The following RNF216 variants were observed in gnomAD, a reference collection of about 807,000 sequenced individuals.
The protein encoded by RNF216 is ring finger protein 216, also known as E3 ubiquitin-protein ligase RNF216.
Under a neutral mutation model 110.8 loss-of-function variants are expected in RNF216, and 72 were observed. The observed-to-expected ratio is 0.65, with a 90% CI of 0.54 to 0.79. The LOEUF (loss-of-function observed/expected upper bound fraction) is 0.79. Ranked by LOEUF, RNF216 falls within the 30% of genes least tolerant of loss-of-function variation. The probability of loss-of-function intolerance (pLI) is 0.00; values close to 1 mark genes in which losing one functional copy is unlikely to be tolerated. For missense variants in RNF216, 1,342 were observed against 1,141.2 expected (o/e 1.18, Z -2.54); for synonymous variants, 495 against 407.5 (o/e 1.21, Z -2.59).
chr7:5,726,675 T>A (rs547346463), intron 7 of RNF216, among the ~76,000 whole-genome samples: 1 of 152,140 alleles, frequency 6.6e-6, no homozygotes, highest in African/African-American at 2.4e-5. Context: ...CTGGACAACA[T>A]GGCAAAACCC....
At chr7:5,761,729 T>A (rs1795944994) in intron 1 of RNF216, among the ~76,000 whole-genome samples, 1 of 149,858 alleles carries the variant, frequency 6.7e-6, no homozygotes, top group Admixed American at 6.7e-5. Context: ...GAAGTTGCAG[T>A]GAGCCAAGAT....
At chr7:5,641,489 G>A in intron 14 of RNF216, 113 bp from the exon 15 acceptor site, 1 of 855,196 alleles carries the variant, frequency 1.2e-6, no homozygotes, top group African/African-American at 1.7e-5. Context: ...GCTTTTTTGT[G>A]ACATTAAACA....
chr7:5,753,718 C>T (rs554432850), intron 2 of RNF216, among the ~76,000 whole-genome samples: 160 of 152,264 alleles, frequency 1.1e-3, no homozygotes, highest in African/African-American at 3.8e-3. Context: ...AAGCATTGGC[C>T]GGGAGCAGTG....
At chr7:5,649,703 A>G (rs1443187075) in intron 14 of RNF216, 2 of 151,860 alleles carry the variant, frequency 1.3e-5, no homozygotes, top group East Asian at 3.9e-4. Flanking sequence ...TGCAGAGGCG[A>G]TGATTCTTTC....
chr7:5,754,449 G>A (rs1795507977), intron 2 of RNF216, among the ~76,000 whole-genome samples: 1 of 152,016 alleles, frequency 6.6e-6, no homozygotes, highest in African/African-American at 2.4e-5. Context: ...ACAGGCATGA[G>A]CCACCATGCC....
intron 13 of RNF216, among the ~76,000 whole-genome samples, chr7:5,688,445 A>G (rs1280152639): frequency 6.6e-6 from 1 of 152,252 alleles, no homozygotes; most frequent in Non-Finnish European, 1.5e-5. Flanking sequence ...CTCTGTTGAC[A>G]CTAGTGAAAA....
At chr7:5,644,862 T>C (rs1320667368) in intron 14 of RNF216, among the ~76,000 whole-genome samples, 2 of 150,592 alleles carry the variant, frequency 1.3e-5, no homozygotes, top group Non-Finnish European at 3.0e-5. Context: ...TCTTGCTCTG[T>C]TGCCCAGGCT....
At chr7:5,641,885 T>C (rs916705744) in intron 14 of RNF216, among the ~76,000 whole-genome samples, 1 of 151,554 alleles carries the variant, frequency 6.6e-6, no homozygotes, top group Admixed American at 6.6e-5. Context: ...ATACAAAAAT[T>C]TGCCAGGCGT....
chr7:5,695,545 C>A (rs28501214), intron 13 of RNF216, among the ~76,000 whole-genome samples: 1 of 152,252 alleles, frequency 6.6e-6, no homozygotes, highest in African/African-American at 2.4e-5. Context: ...TGCTCTCTCT[C>A]TGCAGAGCAG....
At chr7:5,776,912 AAAAAAG>A (rs1796813558) in intron 1 of RNF216, among the ~76,000 whole-genome samples, 1 of 148,130 alleles carries the variant, frequency 6.8e-6, no homozygotes, top group Non-Finnish European at 1.5e-5. Context: ...AAAAAAAAAA[AAAAAAG>A]AGAGAGAGAA....
intron 1 of RNF216, among the ~76,000 whole-genome samples, chr7:5,779,656 TAAAAAAAAA>T (rs34915284): frequency 7.6e-4 from 86 of 112,524 alleles, no homozygotes; most frequent in African/African-American, 2.8e-3. Flanking sequence ...CTCCGTCTCT[TAAAAAAAAA>T]AAAAAAAAAA....
At chr7:5,762,183 T>C (rs1465356948) in intron 1 of RNF216, among the ~76,000 whole-genome samples, 3 of 152,220 alleles carry the variant, frequency 2.0e-5, no homozygotes, top group Admixed American at 1.3e-4. Context: ...ATACCATTTA[T>C]GTAAGTTAAT....
intron 1 of RNF216, among the ~76,000 whole-genome samples, chr7:5,778,887 G>C (rs920570602): frequency 1.3e-5 from 2 of 152,218 alleles, no homozygotes; most frequent in African/African-American, 4.8e-5. Context: ...GGGATTACAG[G>C]CGCACGCCAT....
intron 15 of RNF216, among the ~76,000 whole-genome samples, chr7:5,633,009 G>A (rs1456496392): frequency 6.6e-6 from 1 of 151,846 alleles, no homozygotes; most frequent in African/African-American, 2.4e-5. Flanking sequence ...AGACAGAGTC[G>A]TGCTCTATCG....
intron 3 of RNF216, among the ~76,000 whole-genome samples, chr7:5,748,567 T>G (rs1015133157): frequency 1.3e-5 from 2 of 151,660 alleles, no homozygotes; most frequent in African/African-American, 4.9e-5. Context: ...TAACCTTTCC[T>G]CAGCTTACTT....
At chr7:5,779,797 T>C (rs1481049907) in intron 1 of RNF216, among the ~76,000 whole-genome samples, 37 of 141,532 alleles carry the variant, frequency 2.6e-4, no homozygotes, top group African/African-American at 8.5e-4. Flanking sequence ...CCACTGCACT[T>C]TAGCCTGGGA....
Position 5,712,746 on chromosome 7 carries a change from C to A in RNF216, c.1951G>T (p.Val651Phe). The change falls in exon 12 of 17, where the codon GTT becomes TTT. Residue 651 changes from valine (V) to phenylalanine (F), a missense_variant. By Grantham distance (50) the Val-to-Phe change is conservative. Coordinates refer to ENST00000389902, the MANE Select transcript of RNF216 (RefSeq NM_207111.4). ...AGCTCGTCGGCGTAGGCTGCCGCAA[C>A]CTCCTCCTCGGCTTTTCGCTCATAG... Reference protein sequence around the residue: ...KYYERKAEEEVAAAYADELVR... With the variant: ...KYYERKAEEEFAAAYADELVR... 2 of 1,614,082 alleles carry A rather than the reference C, an allele frequency of 1.2e-6. No individual in the cohort carries two copies. Among genetic ancestry groups the A allele is most frequent in the Non-Finnish European group, 8.5e-7 (1 of 1,180,002 alleles).
intron 8 of RNF216, among the ~76,000 whole-genome samples, chr7:5,723,322 A>G (rs1399255047): frequency 1.3e-5 from 2 of 152,180 alleles, no homozygotes; most frequent in African/African-American, 2.4e-5. Context: ...TGTTAAAGTA[A>G]TAAGATTTAT....
intron 13 of RNF216, chr7:5,666,755 G>C (rs535665205): frequency 2.0e-5 from 3 of 151,828 alleles, no homozygotes; most frequent in South Asian, 2.1e-4. Flanking sequence ...CAAAGGATTT[G>C]CTCCCCATAG....
Sources: gnomAD v4.1 joint callset for allele counts (sites outside exome capture counted in the v4.1 genomes callset) on GRCh38, gnomAD v4.1.1 for gene constraint, MANE v1.5 for transcripts, NCBI Gene and HGNC (gene_info 2026-07-23, HGNC 2026-07-21) for gene names.